Variants in CNTN1 observed in about 807,000 individuals in gnomAD.
CNTN1 encodes contactin 1, also known as contactin-1.
A neutral mutation model predicts 126.4 loss-of-function variants in CNTN1; 38 were observed. That is an observed-to-expected ratio of 0.30 (90% CI 0.23 to 0.39). The LOEUF (loss-of-function observed/expected upper bound fraction) is 0.39, where lower values mean the gene tolerates loss of function less well. CNTN1 is among the 10% of genes least tolerant of loss of function. CNTN1 has a pLI of 1.00. For missense variants in CNTN1, 1,009 were observed against 1,248.4 expected, an observed-to-expected ratio of 0.81 and a Z score of 2.89; for synonymous variants, 413 against 422.6, an observed-to-expected ratio of 0.98 and a Z score of 0.28.
chr12:40,742,198 A>G (rs1937972767), intron 1 of CNTN1, among the ~76,000 whole-genome samples: 1 of 152,126 alleles, frequency 6.6e-6, no homozygotes, highest in African/African-American at 2.4e-5. Context: ...CTACTGTTCA[A>G]TGATAAAAAG....
intron 1 of CNTN1, among the ~76,000 whole-genome samples, chr12:40,693,268 G>C (rs1235354007): frequency 6.6e-6 from 1 of 152,200 alleles, no homozygotes; most frequent in Non-Finnish European, 1.5e-5. Context: ...GCGGAGCCAC[G>C]GCCCCTTCCC....
chr12:40,736,756 G>A (rs1194855472), intron 1 of CNTN1, among the ~76,000 whole-genome samples: 2 of 151,930 alleles, frequency 1.3e-5, no homozygotes, highest in African/African-American at 2.4e-5. Context: ...AAAGCAGAAA[G>A]TAATGTCTTA....
chr12:40,743,838 GT>G (rs1432600386), intron 1 of CNTN1, among the ~76,000 whole-genome samples: 18 of 152,014 alleles, frequency 1.2e-4, no homozygotes, highest in Non-Finnish European at 2.4e-4. Context: ...TGCTTTTGAT[GT>G]TTTCATCATG....
chr12:40,745,083 T>C (rs998271637), intron 1 of CNTN1, among the ~76,000 whole-genome samples: 3 of 152,154 alleles, frequency 2.0e-5, no homozygotes, highest in Non-Finnish European at 4.4e-5. Context: ...AAAGCCCATA[T>C]TGAATTGCAC....
intron 1 of CNTN1, among the ~76,000 whole-genome samples, chr12:40,826,275 A>C (rs1941611642): frequency 6.6e-6 from 1 of 152,146 alleles, no homozygotes; most frequent in Non-Finnish European, 1.5e-5. Context: ...GATTAAATTG[A>C]TAAAACTTCT....
intron 1 of CNTN1, among the ~76,000 whole-genome samples, chr12:40,844,068 G>GCTTTTTTTTTTTTTTTTTTTT: frequency 2.5e-5 from 1 of 40,238 alleles, no homozygotes; most frequent in Non-Finnish European, 5.2e-5. Flanking sequence ...TTGGCACAAT[G>GCTTTTTTTTTTTTTTTTTTTT]ATTTTTTTTT....
At chr12:40,714,796 G>GC (rs1400571254) in intron 1 of CNTN1, among the ~76,000 whole-genome samples, 1 of 152,044 alleles carries the variant, frequency 6.6e-6, no homozygotes, top group African/African-American at 2.4e-5. Context: ...GATTCTTACT[G>GC]CCTCAGGACC....
chr12:40,801,017 T>TG (rs1220431049), intron 1 of CNTN1, among the ~76,000 whole-genome samples: 39 of 149,126 alleles, frequency 2.6e-4, no homozygotes, highest in East Asian at 7.9e-4. Flanking sequence ...AGAGTTTTGT[T>TG]TTTTTTTTTT....
chr12:40,929,267 CTG>C, intron 6 of CNTN1, among the ~76,000 whole-genome samples: 1 of 151,694 alleles, frequency 6.6e-6, no homozygotes, highest in South Asian at 2.1e-4. Flanking sequence ...TTCCCTGTTT[CTG>C]TGGTTTCCCT....
chr12:40,785,989 A>C (rs556844195), intron 1 of CNTN1, among the ~76,000 whole-genome samples: 2 of 152,258 alleles, frequency 1.3e-5, no homozygotes, highest in South Asian at 4.1e-4. Flanking sequence ...AGGGACAAAC[A>C]CCCAAACTAC....
intron 1 of CNTN1, among the ~76,000 whole-genome samples, chr12:40,769,099 T>C (rs1939235039): frequency 6.6e-6 from 1 of 152,162 alleles, no homozygotes; most frequent in African/African-American, 2.4e-5. Flanking sequence ...AATTCATTAT[T>C]GCAAATTACA....
chr12:40,963,571 GTTAATA>G (rs67015507), intron 15 of CNTN1, among the ~76,000 whole-genome samples: 17,698 of 151,446 alleles, frequency 0.12, 1,069 homozygotes, highest in Non-Finnish European at 0.12. Context: ...ATTTTAAAAT[GTTAATA>G]TTAATATTTA....
At chr12:40,921,310 C>G (rs145883188) in intron 4 of CNTN1, among the ~76,000 whole-genome samples, 1 of 152,174 alleles carries the variant, frequency 6.6e-6, no homozygotes, top group Non-Finnish European at 1.5e-5. Context: ...CGAGCCACTA[C>G]TACTTGAGCG....
chr12:41,011,932 G>T (rs536117020), intron 17 of CNTN1, among the ~76,000 whole-genome samples: 33 of 152,298 alleles, frequency 2.2e-4, no homozygotes, highest in African/African-American at 7.7e-4. Context: ...CCTGAAGGAA[G>T]GACAGTATTA....
intron 15 of CNTN1, among the ~76,000 whole-genome samples, chr12:40,970,384 A>G (rs1235431139): frequency 1.3e-5 from 2 of 152,144 alleles, no homozygotes; most frequent in African/African-American, 2.4e-5. Context: ...TTAAAATTTT[A>G]TATGCTTAAA....
intron 14 of CNTN1, among the ~76,000 whole-genome samples, chr12:40,952,455 A>C (rs1439527619): frequency 6.6e-6 from 1 of 152,140 alleles, no homozygotes; most frequent in Non-Finnish European, 1.5e-5. Flanking sequence ...ATTTGGTAAT[A>C]GTAGGAGTTC....
chr12:40,780,307 C>T (rs940839116), intron 1 of CNTN1, among the ~76,000 whole-genome samples: 2 of 151,678 alleles, frequency 1.3e-5, no homozygotes, highest in African/African-American at 4.8e-5. Flanking sequence ...CATACATATC[C>T]CAATTGGGAA....
chr12:41,037,235 G>A (rs939900366), intron 23 of CNTN1, among the ~76,000 whole-genome samples: 12 of 151,962 alleles, frequency 7.9e-5, no homozygotes, highest in East Asian at 5.8e-4. Context: ...AATATTTAAC[G>A]TTGAACATAA....
intron 1 of CNTN1, among the ~76,000 whole-genome samples, chr12:40,864,787 G>A (rs968792641): frequency 6.6e-6 from 1 of 152,112 alleles, no homozygotes; most frequent in Admixed American, 6.6e-5. Flanking sequence ...TATGAATAAT[G>A]CAGCAATGAC....
Sources: allele counts gnomAD v4.1 joint callset (sites outside exome capture counted in the v4.1 genomes callset), GRCh38; gene constraint gnomAD v4.1.1; transcripts MANE v1.5; gene names NCBI Gene and HGNC (gene_info 2026-07-23, HGNC 2026-07-21).